The following SAMD14 variants were observed in gnomAD, a reference collection of about 807,000 sequenced individuals.
SAMD14 encodes the protein sterile alpha motif domain-containing protein 14.
A neutral mutation model predicts 46.2 loss-of-function variants in SAMD14; 27 were observed. That is an observed-to-expected ratio of 0.58 (90% confidence interval 0.43 to 0.81). The LOEUF (loss-of-function observed/expected upper bound fraction) is 0.81. Ranked by LOEUF, SAMD14 falls within the 30% of genes least tolerant of loss-of-function variation. SAMD14 has a pLI of 0.00. For missense variants in SAMD14, 559 were observed against 582.2 expected (o/e 0.96, Z 0.41); for synonymous variants, 241 against 254.3 (o/e 0.95, Z 0.50).
intron 9 of SAMD14, 179 bp downstream of exon 9, chr17:50,113,745 A>G: frequency 1.5e-6 from 1 of 650,312 alleles, no homozygotes. Context: ...CTACAACTCA[A>G]AAGATTAGAC....
Position 50,115,618 on chromosome 17 carries a change from GGAGGTGGTGCTACCC to G in SAMD14, c.753_767del (p.Gly252_Ser256del), listed in dbSNP as rs1286335454. The G allele has an allele frequency of 2.5e-6, 4 of 1,600,980 alleles. No individual in the cohort carries two copies. In the East Asian group the frequency reaches 8.9e-5, roughly 36 times the overall value. On this transcript the variant is annotated inframe_deletion, in exon 7 of 10. Transcript: ENST00000330175. The surrounding 1 kb of genome is among the most constrained non-coding windows in gnomAD (Gnocchi z 5.3). Reference sequence around the variant, plus strand: ...CCTCGTGTTTAGGGGAGCAGGTGGGGGAGGTGGTGCTACCCGAGGATGCTGAGCCCTTGCCGCTGT... The same window carrying G: ...CCTCGTGTTTAGGGGAGCAGGTGGGGGAGGATGCTGAGCCCTTGCCGCTGT...
In SAMD14 at chr17:50,115,712, T is replaced by A. The variant is rs780525164; in HGVS notation, c.674A>T (p.Glu225Val). ...GGAGCCCCCTGACCTGCCGGACCCC[T>A]CCACTGACTCCCTGCAGAGAGAGTG... The part of the protein sequence containing the change: ...RLSMGSRESV[E>V]GSGRSGGSPF... Residue 225 changes from glutamate (E) to valine (V), a missense_variant, in exon 7 of 10, where the codon GAG (glutamate) becomes GTG (valine). By Grantham distance (121) the Glu-to-Val change is moderately radical. Coordinates refer to ENST00000330175, the MANE Select transcript of SAMD14 (RefSeq NM_001257359.2). This position sits in a 1 kb window ranked among gnomAD's most constrained non-coding sequence, Gnocchi z 5.3. 10 of 1,605,792 alleles carry A rather than the reference T, an allele frequency of 6.2e-6. No individual in the cohort carries two copies. The highest frequency in any genetic ancestry group is 7.7e-6 in the Non-Finnish European group (9 of 1,174,188).
intron 7 of SAMD14, 174 bp from the exon 8 acceptor site, chr17:50,114,480 C>G (rs1317452603): frequency 1.3e-6 from 2 of 1,587,574 alleles, no homozygotes; most frequent in South Asian, 2.3e-5. Flanking sequence ...GGCATCAGGA[C>G]CTGAAGCCTT....
intron 2 of SAMD14, among the ~76,000 whole-genome samples, chr17:50,121,810 C>G (rs56396804): frequency 0.54 from 81,963 of 151,570 alleles, 22,330 homozygotes; most frequent in Admixed American, 0.64. Context: ...CTGGCCCTGG[C>G]CCAGATGGCC....
intron 7 of SAMD14, 187 bp from the exon 8 acceptor site, chr17:50,114,493 G>T: frequency 6.4e-7 from 1 of 1,550,684 alleles, no homozygotes; most frequent in East Asian, 2.3e-5. Context: ...GAAGCCTTTG[G>T]GAGAGCAGGC....
intron 2 of SAMD14, among the ~76,000 whole-genome samples, chr17:50,124,506 C>CA (rs1911653490): frequency 6.6e-6 from 1 of 152,106 alleles, no homozygotes; most frequent in South Asian, 2.1e-4. Context: ...GTTCTAGTCC[C>CA]AGCCCTGCCA....
At chr17:50,113,871 GAA>G in intron 9 of SAMD14, 51 bp downstream of exon 9, 2 of 1,605,194 alleles carry the variant, frequency 1.2e-6, no homozygotes, top group Non-Finnish European at 1.7e-6. Context: ...TCAAATCCTT[GAA>G]AGTCACCTCA....
Position 50,117,413 on chromosome 17 carries a change from T to A in SAMD14, c.493A>T (p.Ser165Cys). 2 of 1,323,556 alleles carry A rather than the reference T, an allele frequency of 1.5e-6. No individual in the cohort carries two copies. The highest frequency in any genetic ancestry group is 1.9e-6 in the Non-Finnish European group (2 of 1,040,770). 82.0% of individuals were successfully genotyped at this position (1,323,556 alleles called of 1,614,324 possible). The change falls in exon 4 of 10, where the codon AGC becomes TGC. Residue 165 changes from serine (S) to cysteine (C), a missense_variant. Transcript: ENST00000330175. Reference sequence around the variant, plus strand: ...GGCGCTGGCCGCCTCTCACCTTCGCTGTGCGGCTCTGCGCGCGGGTGGCGG... The same window carrying A: ...GGCGCTGGCCGCCTCTCACCTTCGCAGTGCGGCTCTGCGCGCGGGTGGCGG... The part of the protein sequence containing the change: ...VRRHPRAEPH[S>C]EDDSRDASPP...
rs1388369954 is a variant in SAMD14 at position 50,116,053 on chromosome 17, G to A, written c.537C>T (p.Ser179=). The part of the protein sequence containing the change: ...SRDASPPEPA[S]PTIGLDKKTR... The stretch of plus-strand genomic sequence containing the variant: ...TCTTCTTATCGAGGCCGATGGTGGG[G>A]CTGGCGGGCTCAGGAGGACTGGCGT... Residue 179 remains serine, a synonymous_variant, in exon 5 of 10, where the codon AGC becomes AGT. Coordinates refer to ENST00000330175, the MANE Select transcript of SAMD14 (RefSeq NM_001257359.2). 6 of 1,613,924 alleles carry A rather than the reference G, an allele frequency of 3.7e-6. No individual in the cohort carries two copies. Among genetic ancestry groups the A allele is most frequent in the Non-Finnish European group, 5.1e-6 (6 of 1,179,932 alleles).
rs1911142147 is a variant in SAMD14, at chr17:50,115,596, C to T, written c.790G>A (p.Glu264Lys). 8 of 1,577,910 alleles carry T rather than the reference C, an allele frequency of 5.1e-6. No individual in the cohort carries two copies. The highest frequency in any genetic ancestry group is 6.0e-6 in the Non-Finnish European group (7 of 1,159,556). Residue 264 changes from glutamate to lysine, a missense_variant, in exon 7 of 10, where the codon GAG (glutamate) becomes AAG (lysine). By Grantham distance (56) the Glu-to-Lys change is moderately conservative (BLOSUM62 1). Transcript: ENST00000330175. This position sits in a 1 kb window ranked among gnomAD's most constrained non-coding sequence, Gnocchi z 5.3. ...GCTGACTTCTTAGGGCTGAAGCCCTCGTGTTTAGGGGAGCAGGTGGGGGAG... is the reference window on the plus strand; with the variant it reads ...GCTGACTTCTTAGGGCTGAAGCCCTTGTGTTTAGGGGAGCAGGTGGGGGAG... Reference protein sequence around the residue: ...TTSPTCSPKHEGFSPKKSASQ... With the variant: ...TTSPTCSPKHKGFSPKKSASQ...
Position 50,110,082 on chromosome 17 carries a change from G to C in SAMD14, c.*2811C>G, listed in dbSNP as rs761583879. 24 of 1,607,288 alleles carry C rather than the reference G, an allele frequency of 1.5e-5. No homozygotes were observed. In the African/African-American group the frequency reaches 3.2e-4, roughly 21 times the overall value. On this transcript the variant is annotated 3_prime_UTR_variant, in exon 10 of 10. Transcript: ENST00000330175. ...GCACGGAGCCCAAGAACACGTCCAC[G>C]TACCGCGTCAGCTAAGGGCCGCCGT...
chr17:50,110,241 G>A lies in SAMD14; in HGVS notation c.*2652C>T, dbSNP rs889658208. ...CTGTCTCTATGGAAGTCACTGCGGT[G>A]ATAGGTCTGTGATGGTCCCTAAGTG... On this transcript the variant is annotated 3_prime_UTR_variant, in exon 10 of 10. Coordinates refer to ENST00000330175, the MANE Select transcript of SAMD14 (RefSeq NM_001257359.2). 2.2e-6 allele frequency: 2 copies of A among 901,764 alleles called. No homozygotes were observed. Among genetic ancestry groups the A allele is most frequent in the African/African-American group, 3.4e-5 (2 of 59,638 alleles). The allele number at this position is 901,764 out of a possible 1,614,324, so 55.9% of individuals were successfully genotyped here. A position where few individuals can be genotyped will look rare whatever the true frequency, so the allele number is the denominator to read the frequency against.
chr17:50,111,967 T>C lies in SAMD14; in HGVS notation c.*926A>G, dbSNP rs970401599. 1 of 152,298 alleles carries C rather than the reference T, an allele frequency of 6.6e-6. No homozygotes were observed. The highest frequency in any genetic ancestry group is 1.5e-5 in the Non-Finnish European group (1 of 68,186). The allele number at this position is 152,298 out of a possible 1,614,324, so 9.4% of individuals were successfully genotyped here. A position where few individuals can be genotyped will look rare whatever the true frequency, so the allele number is the denominator to read the frequency against. On this transcript the variant is annotated 3_prime_UTR_variant, in exon 10 of 10. Coordinates refer to ENST00000330175, the MANE Select transcript of SAMD14 (RefSeq NM_001257359.2). Reference sequence around the variant, plus strand: ...GTAGCTGCCGGGGACCCCCAGGTTTTGCCTCTCTGCCTGGCTGGGGTGAGG... The same window carrying C: ...GTAGCTGCCGGGGACCCCCAGGTTTCGCCTCTCTGCCTGGCTGGGGTGAGG...
chr17:50,122,271 A>G (rs193166499), intron 2 of SAMD14, among the ~76,000 whole-genome samples: 14 of 152,126 alleles, frequency 9.2e-5, no homozygotes, highest in Non-Finnish European at 1.5e-4. Flanking sequence ...AGAGGGTGAA[A>G]CCCTTCCCTG....
intron 2 of SAMD14, among the ~76,000 whole-genome samples, chr17:50,122,048 C>T (rs1280729497): frequency 6.6e-6 from 1 of 152,198 alleles, no homozygotes; most frequent in Non-Finnish European, 1.5e-5. Flanking sequence ...GTGGGATCAA[C>T]TGAATTGCTT....
Position 50,114,320 on chromosome 17 carries a change from G to A in SAMD14, c.823-14C>T, listed in dbSNP as rs773862874. ...CAGAGTGGATTCCTAGACAGAAAAA[G>A]GTGCATGCCACTGAGGAGAGTTCAC... On this transcript the variant is annotated splice_polypyrimidine_tract_variant and intron_variant, in intron 7 of 9. Coordinates refer to ENST00000330175, the MANE Select transcript of SAMD14 (RefSeq NM_001257359.2). The A allele has an allele frequency of 6.2e-7, 1 of 1,614,056 alleles. No individual in the cohort carries two copies. The highest frequency in any genetic ancestry group is 1.1e-5 in the South Asian group (1 of 91,074).
intron 4 of SAMD14, 200 bp from the exon 5 acceptor site, chr17:50,116,290 C>A (rs1911194769): frequency 1.4e-6 from 1 of 716,350 alleles, no homozygotes; most frequent in Non-Finnish European, 2.2e-6. Context: ...ATAATAACAT[C>A]TACCTGCTTC....
rs1331470368 is a variant in SAMD14 at position 50,110,087 on chromosome 17, G to A, written c.*2806C>T. ...GAGCCCAAGAACACGTCCACGTACC[G>A]CGTCAGCTAAGGGCCGCCGTGCATC... On this transcript the variant is annotated 3_prime_UTR_variant, in exon 10 of 10. Coordinates refer to ENST00000330175, the MANE Select transcript of SAMD14 (RefSeq NM_001257359.2). 8.7e-6 allele frequency: 14 copies of A among 1,605,590 alleles called. No individual in the cohort carries two copies. The highest frequency in any genetic ancestry group is 2.2e-5 in the East Asian group (1 of 44,626).
In SAMD14 at chr17:50,129,197, C is replaced by T. The variant is rs1245156672; in HGVS notation, c.-13+320G>A. ...AGAGCCCTTCTCCCCAGTCAGAGCC[C>T]GGTGGCTAGTTTCTCTCCAAACCAT... On this transcript the variant is annotated intron_variant, in intron 1 of 9. Transcript: ENST00000330175. This position sits in a 1 kb window ranked among gnomAD's most constrained non-coding sequence, Gnocchi z 5.6. 1.3e-5 allele frequency among the ~76,000 whole-genome samples: 2 copies of T among 151,796 alleles called. No homozygotes were observed. Among genetic ancestry groups the T allele is most frequent in the Admixed American group, 1.3e-4 (2 of 15,264 alleles).
Sources: gnomAD v4.1 joint callset for allele counts (sites outside exome capture counted in the v4.1 genomes callset) on GRCh38, gnomAD v4.1.1 for gene constraint, Gnocchi (gnomAD v3.1) non-coding constraint, MANE v1.5 for transcripts, NCBI Gene and HGNC (gene_info 2026-07-23, HGNC 2026-07-21) for gene names.